The following INPP5J variants were observed in gnomAD, a reference collection of about 807,000 sequenced individuals.
INPP5J encodes the protein phosphatidylinositol 4,5-bisphosphate 5-phosphatase A.
In INPP5J, 75 loss-of-function variants were observed where a neutral mutation model predicts 86.6. The observed-to-expected ratio is 0.87, with a 90% CI of 0.72 to 1.05. The LOEUF is 1.05. INPP5J is among the 50% of genes least tolerant of loss of function. INPP5J has a pLI of 0.00. For synonymous variants in INPP5J, 540 were observed against 550.0 expected, an observed-to-expected ratio of 0.98 and a Z score of 0.25; for missense variants, 1,229 against 1,341.2, an observed-to-expected ratio of 0.92 and a Z score of 1.31.
chr22:31,133,768 C>G, intron 12 of INPP5J, 54 bp downstream of exon 12: 1 of 1,568,252 alleles, frequency 6.4e-7, no homozygotes, highest in Non-Finnish European at 8.7e-7. Flanking sequence ...TGTCAAATGC[C>G]ACAGCCTCTA....
chr22:31,127,923 C>A (rs759466838), intron 6 of INPP5J, 28 bp from the exon 7 acceptor site: 5 of 1,340,210 alleles, frequency 3.7e-6, no homozygotes, highest in Non-Finnish European at 5.4e-6. Context: ...CTGCCCCCCA[C>A]ATCTCTCCCA....
chr22:31,130,874 A>T (rs887376630), intron 9 of INPP5J, among the ~76,000 whole-genome samples: 4 of 151,970 alleles, frequency 2.6e-5, no homozygotes, highest in Non-Finnish European at 5.9e-5. Flanking sequence ...AATTTGGCCC[A>T]CTCCCTTTTT....
chr22:31,122,707 G>A, upstream of INPP5J: 1 of 342,252 alleles, frequency 2.9e-6, no homozygotes, highest in South Asian at 9.1e-5. Context: ...GGAGCAAAGG[G>A]CTGACCAGGC....
rs1921297071 is a variant in INPP5J at position 31,125,553 on chromosome 22, T to TC, written c.818dup (p.Asp274ArgfsTer13). 6.5e-7 allele frequency: 1 copy of TC among 1,549,992 alleles called. No individual in the cohort carries two copies. Among genetic ancestry groups the TC allele is most frequent in the Non-Finnish European group, 8.7e-7 (1 of 1,146,890 alleles). ...AGGCTCCCCACCCTGCATCCAAACCTCCCCAGACCCTCGGCTCTCCCCCTC... is the reference window on the plus strand; with the variant it reads ...AGGCTCCCCACCCTGCATCCAAACCTCCCCCAGACCCTCGGCTCTCCCCCTC... On this transcript the variant is annotated frameshift_variant, in exon 2 of 13. Transcript: ENST00000331075. LOFTEE classifies it high-confidence loss of function.
At position 31,127,505 on chromosome 22, in the gene INPP5J, C is replaced by G; in HGVS notation, c.1760C>G (p.Pro587Arg). 6.2e-7 allele frequency: 1 copy of G among 1,613,592 alleles called. No individual in the cohort carries two copies. Among genetic ancestry groups the G allele is most frequent in the Non-Finnish European group, 8.5e-7 (1 of 1,179,682 alleles). ...TILSLQQFQG[P>R]GAQGILDHDL... ...CTCAGCCTCCAGCAGTTCCAAGGGC[C>G]GGGCGCACAGGGCATCCTGGATCAT... Residue 587 changes from proline (P) to arginine (R), a missense_variant, in exon 6 of 13, where the codon CCG (proline) becomes CGG (arginine). By Grantham distance (103) the Pro-to-Arg change is moderately radical (BLOSUM62 -2). Transcript: ENST00000331075.
chr22:31,134,631 T>A lies in INPP5J; in HGVS notation c.*212T>A. The A allele has an allele frequency of 2.3e-6, 1 of 443,804 alleles. No homozygotes were observed. Among genetic ancestry groups the A allele is most frequent in the African/African-American group, 2.0e-5 (1 of 49,708 alleles). 27.5% of individuals were successfully genotyped at this position (443,804 alleles called of 1,614,324 possible). On this transcript the variant is annotated 3_prime_UTR_variant, in exon 13 of 13. Transcript: ENST00000331075. The stretch of plus-strand genomic sequence containing the variant: ...CCACCCAGGCCCCCATCTGGGATGA[T>A]GGGAGAGCTCTGGCAGATGTCCCAA...
At chr22:31,131,719 T>C (rs1294711834) in intron 9 of INPP5J, among the ~76,000 whole-genome samples, 1 of 152,196 alleles carries the variant, frequency 6.6e-6, no homozygotes, top group Non-Finnish European at 1.5e-5. Flanking sequence ...CTCAGAGAAC[T>C]TAAGTCTCTT....
intron 9 of INPP5J, among the ~76,000 whole-genome samples, chr22:31,130,795 G>T (rs899815186): frequency 2.0e-5 from 3 of 152,184 alleles, no homozygotes; most frequent in Non-Finnish European, 4.4e-5. Flanking sequence ...TTGTATTTAG[G>T]ATTGAGGTTC....
In INPP5J at chr22:31,126,470, G is replaced by A. The variant is rs376354568; in HGVS notation, c.1366G>A (p.Ala456Thr). The A allele has an allele frequency of 1.2e-5, 19 of 1,613,530 alleles. No individual in the cohort carries two copies. The highest frequency in any genetic ancestry group is 6.7e-5 in the African/African-American group (5 of 74,890). ...HLGGGDDSDG[A>T]DMIAIGLQEV... Reference sequence around the variant, plus strand: ...GGGCGGTGGTGACGACAGCGACGGCGCAGACATGATCGCCATAGGGTGAGG... The same window carrying A: ...GGGCGGTGGTGACGACAGCGACGGCACAGACATGATCGCCATAGGGTGAGG... Residue 456 changes from alanine to threonine, a missense_variant, in exon 3 of 13, where the codon GCA (alanine) becomes ACA (threonine). Physicochemically the swap from Ala to Thr is moderately conservative, Grantham distance 58. Transcript: ENST00000331075.
chr22:31,133,335 C>T (rs952510239), intron 10 of INPP5J, 71 bp from the exon 11 acceptor site: 2 of 1,587,934 alleles, frequency 1.3e-6, no homozygotes, highest in Admixed American at 1.8e-5. Context: ...GATCTTGATG[C>T]CACACTGGGA....
chr22:31,128,351 G>A (rs1921714579), intron 8 of INPP5J, 28 bp downstream of exon 8: 2 of 1,566,088 alleles, frequency 1.3e-6, no homozygotes, highest in African/African-American at 2.7e-5. Flanking sequence ...AGGGACTGAG[G>A]GGAAGTGGGC....
In INPP5J at chr22:31,128,025, A is replaced by G; in HGVS notation, c.1862A>G (p.Asp621Gly). ...CTGCACTTTGTCAAGTTTGCCATCG[A>G]CAGTGACCAGCTCCATCAGCTCTGG... Reference protein sequence around the residue: ...YDLHFVKFAIDSDQLHQLWEK... With the variant: ...YDLHFVKFAIGSDQLHQLWEK... The change falls in exon 7 of 13, where the codon GAC (aspartate) becomes GGC (glycine). Residue 621 changes from aspartate (D) to glycine (G), a missense_variant. Physicochemically the swap from Asp to Gly is moderately conservative, Grantham distance 94. Coordinates refer to ENST00000331075, the MANE Select transcript of INPP5J (RefSeq NM_001284285.2). 1.2e-6 allele frequency: 2 copies of G among 1,613,086 alleles called. No individual in the cohort carries two copies. Among genetic ancestry groups the G allele is most frequent in the Non-Finnish European group, 1.7e-6 (2 of 1,179,696 alleles).
At position 31,133,232 on chromosome 22, in the gene INPP5J, C is replaced by T. The variant is rs1461842994; in HGVS notation, c.2328C>T (p.Tyr776=). ...ARSSWDWIGL[Y]RVGFRHCKDY... ...GCTCCTGGGACTGGATCGGCTTATACCGGGTGAGAGGGGCAGTGGTGGTCA... is the reference window on the plus strand; with the variant it reads ...GCTCCTGGGACTGGATCGGCTTATATCGGGTGAGAGGGGCAGTGGTGGTCA... Residue 776 remains tyrosine (Y), a synonymous_variant, in exon 10 of 13, where the codon TAC becomes TAT. Coordinates refer to ENST00000331075, the MANE Select transcript of INPP5J (RefSeq NM_001284285.2). 6.2e-7 allele frequency: 1 copy of T among 1,606,442 alleles called. No individual in the cohort carries two copies. Among genetic ancestry groups the T allele is most frequent in the Non-Finnish European group, 8.5e-7 (1 of 1,177,954 alleles).
At position 31,125,309 on chromosome 22, in the gene INPP5J, T is replaced by C; in HGVS notation, c.570T>C (p.Ala190=). The C allele has an allele frequency of 6.4e-7, 1 of 1,550,508 alleles. No homozygotes were observed. Among genetic ancestry groups the C allele is most frequent in the South Asian group, 1.2e-5 (1 of 84,052 alleles). The change falls in exon 2 of 13, where the codon GCT becomes GCC. Residue 190 remains alanine (A), a synonymous_variant. Transcript: ENST00000331075. ...CCTCTGGCCTGAGCCTGGCCCTGGCTTCTGAGGAGCAGCCCCCAGAACTCC... is the reference window on the plus strand; with the variant it reads ...CCTCTGGCCTGAGCCTGGCCCTGGCCTCTGAGGAGCAGCCCCCAGAACTCC... The part of the protein sequence containing the change: ...LAASGLSLAL[A]SEEQPPELPS...
At chr22:31,132,950 A>G in intron 9 of INPP5J, 148 bp from the exon 10 acceptor site, 2 of 1,051,226 alleles carry the variant, frequency 1.9e-6, no homozygotes, top group South Asian at 1.5e-5. Context: ...CTTGGTATTT[A>G]TACTAGACCT....
intron 6 of INPP5J, 101 bp from the exon 7 acceptor site, chr22:31,127,849 GT>G (rs1200791082): frequency 1.3e-6 from 1 of 752,852 alleles, no homozygotes; most frequent in African/African-American, 1.7e-5. Flanking sequence ...ATCCCCTCGG[GT>G]TGGATGGGCT....
In INPP5J at chr22:31,125,019, G is replaced by A. The variant is rs1808057715; in HGVS notation, c.280G>A (p.Gly94Arg). 1 of 1,560,838 alleles carries A rather than the reference G, an allele frequency of 6.4e-7. No individual in the cohort carries two copies. Among genetic ancestry groups the A allele is most frequent in the Non-Finnish European group, 8.7e-7 (1 of 1,152,638 alleles). The change falls in exon 2 of 13, where the codon GGG (glycine) becomes AGG (arginine). Residue 94 changes from glycine to arginine, a missense_variant. Gly to Arg is a moderately radical substitution (Grantham distance 125, BLOSUM62 -2). Transcript: ENST00000331075. ...PILAPLCTPE[G>R]QKTATAHRSS... ...CCTGGCTCCACTGTGTACCCCTGAAGGGCAGAAAACAGCTACTGCCCACCG... is the reference window on the plus strand; with the variant it reads ...CCTGGCTCCACTGTGTACCCCTGAAAGGCAGAAAACAGCTACTGCCCACCG...
chr22:31,125,916 GC>G lies in INPP5J; in HGVS notation c.1181del (p.Pro394GlnfsTer65), dbSNP rs1569285231. 9 of 1,613,514 alleles carry G rather than the reference GC, an allele frequency of 5.6e-6. No individual in the cohort carries two copies. The highest frequency in any genetic ancestry group is 6.8e-6 in the Non-Finnish European group (8 of 1,179,628). ...GAGCCCCAACCTTCAGGCCCAAGAA[GC>G]CCCAGCCCCAGTCACCACCTCCTCT... ...CLSPNLQAQE[A>X]PAPVTTSSST... On this transcript the variant is annotated frameshift_variant, in exon 2 of 13. Coordinates refer to ENST00000331075, the MANE Select transcript of INPP5J (RefSeq NM_001284285.2). LOFTEE classifies it high-confidence loss of function.
intron 10 of INPP5J, 35 bp downstream of exon 10, chr22:31,133,270 A>G: frequency 6.2e-7 from 1 of 1,604,514 alleles, no homozygotes; most frequent in Non-Finnish European, 8.5e-7. Flanking sequence ...GACTCAGGGA[A>G]GAAAGGGGCC....
Sources: allele counts gnomAD v4.1 joint callset (sites outside exome capture counted in the v4.1 genomes callset), GRCh38; gene constraint gnomAD v4.1.1; transcripts MANE v1.5; gene names NCBI Gene and HGNC (gene_info 2026-07-23, HGNC 2026-07-21).